OR4K1: variants seen among roughly 807,000 people sequenced by gnomAD.
OR4K1 encodes the protein olfactory receptor 4K1.
A neutral mutation model predicts 14.4 loss-of-function variants in OR4K1; 16 were observed. That is an observed-to-expected ratio of 1.11 (90% CI 0.75 to 1.68). The LOEUF (loss-of-function observed/expected upper bound fraction) is 1.68, where lower values mean the gene tolerates loss of function less well. OR4K1 is among the 40% of genes most tolerant of loss of function. OR4K1 has a pLI of 0.00. For synonymous variants in OR4K1, 181 were observed against 133.1 expected (o/e 1.36, Z -2.48); for missense variants, 548 against 376.9 (o/e 1.45, Z -3.76).
At chr14:19,929,252 T>A (rs1024731949), upstream of OR4K1, among the ~76,000 whole-genome samples, 1 of 149,072 alleles carries the variant, frequency 6.7e-6, no homozygotes, top group East Asian at 1.9e-4. Flanking sequence ...AGTTTATACA[T>A]ATATATTTGG....
At chr14:19,926,477 T>G (rs1179722249), upstream of OR4K1, among the ~76,000 whole-genome samples, 1 of 152,256 alleles carries the variant, frequency 6.6e-6, no homozygotes, top group Non-Finnish European at 1.5e-5. Flanking sequence ...CCCTTAGATA[T>G]TTTCAGAATT....
At position 19,935,632 on chromosome 14, in the gene OR4K1, G is replaced by A; in HGVS notation, c.-19-16G>A. The A allele has an allele frequency of 1.3e-6, 2 of 1,515,924 alleles. No individual in the cohort carries two copies. The highest frequency in any genetic ancestry group is 1.8e-4 in the Middle Eastern group (1 of 5,704). 93.9% of individuals were successfully genotyped at this position (1,515,924 alleles called of 1,614,324 possible). A position where few individuals can be genotyped will look rare whatever the true frequency, so the allele number is the denominator to read the frequency against. ...ATGCCAATCATTGTGACATTTTTCT[G>A]ATTTCTTTTTTTTAGGTAACTGAAT... is the stretch of plus-strand genomic sequence containing the variant. On this transcript the variant is annotated splice_polypyrimidine_tract_variant and intron_variant, in intron 1 of 1. Transcript: ENST00000641172.
upstream of OR4K1, among the ~76,000 whole-genome samples, chr14:19,929,086 C>A (rs1219508764): frequency 6.6e-6 from 1 of 151,788 alleles, no homozygotes; most frequent in Non-Finnish European, 1.5e-5. Flanking sequence ...AAAAAATCTT[C>A]ACGTGCTTTT....
chr14:19,928,991 CA>C (rs1227051746), upstream of OR4K1, among the ~76,000 whole-genome samples: 1 of 151,538 alleles, frequency 6.6e-6, no homozygotes, highest in Non-Finnish European at 1.5e-5. Flanking sequence ...ATGATTAAGT[CA>C]ATCAATTCTA....
intron 1 of OR4K1, among the ~76,000 whole-genome samples, chr14:19,933,398 T>G (rs1882229645): frequency 2.6e-5 from 4 of 152,242 alleles, no homozygotes; most frequent in Admixed American, 2.0e-4. Context: ...ATTTTTTTAC[T>G]CTTAGGAATG....
chr14:19,935,515 C>A, intron 1 of OR4K1, 133 bp from the exon 2 acceptor site: 1 of 711,860 alleles, frequency 1.4e-6, no homozygotes, highest in Non-Finnish European at 2.3e-6. Flanking sequence ...TGAGTATTTA[C>A]ATACGTAAAT....
chr14:19,933,695 C>T (rs565165952), intron 1 of OR4K1, among the ~76,000 whole-genome samples: 8 of 152,266 alleles, frequency 5.3e-5, no homozygotes, highest in South Asian at 2.1e-4. Context: ...CAGGTTCAAG[C>T]GATTCTCCTG....
the OR4K1 span, chr14:19,921,650 A>C: frequency 1.8e-5 from 26 of 1,420,150 alleles, no homozygotes; most frequent in Non-Finnish European, 2.2e-5. Context: ...GGTGTATCTC[A>C]ATTGTGGGGA....
Position 19,935,799 on chromosome 14 carries a change from AT to A in OR4K1, c.135del (p.Ile46LeufsTer10), listed in dbSNP as rs1231571791. 6.2e-7 allele frequency: 1 copy of A among 1,614,026 alleles called. No individual in the cohort carries two copies. Among genetic ancestry groups the A allele is most frequent in the African/African-American group, 1.3e-5 (1 of 74,938 alleles). On this transcript the variant is annotated frameshift_variant, in exon 2 of 2. Transcript: ENST00000641172. LOFTEE classifies it high-confidence loss of function. ...YVTSVLGNVL[I>X]IVIISFDSHL... is the part of the protein sequence containing the mutation. ...GACATCAGTGCTAGGCAATGTCTTA[AT>A]TATTGTCATTATTTCTTTTGACTCC... is the stretch of plus-strand genomic sequence containing the variant.
At chr14:19,925,224 G>C in the OR4K1 span, among the ~76,000 whole-genome samples, 7 of 152,186 alleles carry the variant, frequency 4.6e-5, no homozygotes, top group African/African-American at 1.7e-4. Flanking sequence ...AAAGTGTCTT[G>C]AGTTGGCTGT....
At chr14:19,924,752 T>G in the OR4K1 span, among the ~76,000 whole-genome samples, 2 of 152,254 alleles carry the variant, frequency 1.3e-5, no homozygotes, top group Non-Finnish European at 2.9e-5. Flanking sequence ...ACATGTATGT[T>G]TATTGCAGCA....
At chr14:19,934,855 T>A (rs1485129408) in intron 1 of OR4K1, among the ~76,000 whole-genome samples, 5 of 152,212 alleles carry the variant, frequency 3.3e-5, no homozygotes, top group African/African-American at 1.2e-4. Context: ...GTATTTTTAG[T>A]AGAGACGGGG....
intron 1 of OR4K1, among the ~76,000 whole-genome samples, chr14:19,934,343 T>C (rs1283663729): frequency 6.6e-6 from 1 of 152,278 alleles, no homozygotes; most frequent in African/African-American, 2.4e-5. Flanking sequence ...GAATGTCTTA[T>C]GCCTTTGAAA....
At chr14:19,920,593 T>G in the OR4K1 span, 8 of 1,581,814 alleles carry the variant, frequency 5.1e-6, no homozygotes, top group Non-Finnish European at 6.9e-6. Flanking sequence ...AGAACAAGTT[T>G]GCAGCTTGGA....
At chr14:19,932,390 T>C (rs754334172) in intron 1 of OR4K1, among the ~76,000 whole-genome samples, 1 of 152,128 alleles carries the variant, frequency 6.6e-6, no homozygotes, top group African/African-American at 2.4e-5. Context: ...TCTCCCCCTT[T>C]GTCTTCTTGA....
upstream of OR4K1, among the ~76,000 whole-genome samples, chr14:19,927,478 T>G (rs1332137540): frequency 6.6e-6 from 1 of 152,252 alleles, no homozygotes; most frequent in Non-Finnish European, 1.5e-5. Context: ...AGGAAAGTAG[T>G]CTGGGAGGGA....
upstream of OR4K1, among the ~76,000 whole-genome samples, chr14:19,926,987 A>G (rs116871463): frequency 0.011 from 1,657 of 152,126 alleles, 10 homozygotes; most frequent in South Asian, 0.045. Context: ...CCTACATGAA[A>G]AGCACTGCTC....
intron 1 of OR4K1, among the ~76,000 whole-genome samples, chr14:19,931,650 C>T (rs144500935): frequency 2.6e-4 from 39 of 152,286 alleles, no homozygotes; most frequent in Middle Eastern, 3.4e-3. Context: ...TTTCAGAGTT[C>T]CATTGACACA....
At position 19,936,326 on chromosome 14, in the gene OR4K1, C is replaced by G; in HGVS notation, c.660C>G (p.Ile220Met). 1 of 1,614,258 alleles carries G rather than the reference C, an allele frequency of 6.2e-7. No individual in the cohort carries two copies. Among genetic ancestry groups the G allele is most frequent in the East Asian group, 2.2e-5 (1 of 44,888 alleles). Residue 220 changes from isoleucine (I) to methionine (M), a missense_variant, in exon 2 of 2, where the codon ATC (isoleucine) becomes ATG (methionine). Physicochemically the swap from Ile to Met is conservative, Grantham distance 10. Coordinates refer to ENST00000641172, the MANE Select transcript of OR4K1 (RefSeq NM_001004063.3). ...TGGCTTTAATTATTTCCTACACCAT[C>G]ATTTTGATCGGTGTCCGATGCAGGT... is the stretch of plus-strand genomic sequence containing the variant. ...CFLALIISYT[I>M]ILIGVRCRSS...
Sources: allele counts gnomAD v4.1 joint callset (sites outside exome capture counted in the v4.1 genomes callset), GRCh38; gene constraint gnomAD v4.1.1; transcripts MANE v1.5; gene names NCBI Gene and HGNC (gene_info 2026-07-23, HGNC 2026-07-21).